PRKCH: variants seen among roughly 807,000 people sequenced by gnomAD.
The protein encoded by PRKCH is protein kinase C eta type.
PRKCH carries 28 observed loss-of-function variants against 82.5 expected under a neutral mutation model. That is an observed-to-expected ratio of 0.34 (90% CI 0.25 to 0.47). The LOEUF is 0.47. PRKCH is among the 20% of genes least tolerant of loss of function. The pLI is 1.00. For missense variants in PRKCH, 705 were observed against 881.8 expected (o/e 0.80, Z 2.54); for synonymous variants, 322 against 327.4 (o/e 0.98, Z 0.18).
chr14:61,255,986 A>G (rs1358574844), intron 1 of PRKCH, among the ~76,000 whole-genome samples: 1 of 152,222 alleles, frequency 6.6e-6, no homozygotes, highest in African/African-American at 2.4e-5. Context: ...CAGTCTACAC[A>G]TGAAAGGATT....
Position 61,263,847 on chromosome 14 carries a change from T to TTGTGTGTG in PRKCH, c.-19+76221_-19+76228dup, listed in dbSNP as rs56280986. Among the ~76,000 whole-genome samples the TTGTGTGTG allele has an allele frequency of 5.5e-3, 799 of 144,248 alleles. 3 individuals carry two copies. The highest frequency in any genetic ancestry group is 0.011 in the South Asian group (48 of 4,412). 94.6% of individuals were successfully genotyped at this position (144,248 alleles called of 152,430 possible). A position where few individuals can be genotyped will look rare whatever the true frequency, so the allele number is the denominator to read the frequency against. ...AGGAAAAGCATCTGAAGTCAGAGTA[T>TTGTGTGTG]TGTGTGTGTGTGTGTGTGTGTGTGT... On this transcript the variant is annotated intron_variant, in intron 1 of 3. Transcript: ENST00000555185.
At chr14:61,367,871 C>T (rs138492414) in intron 1 of PRKCH, among the ~76,000 whole-genome samples, 1,601 of 151,916 alleles carry the variant, frequency 0.011, 33 homozygotes, top group African/African-American at 0.036. Flanking sequence ...CCCACCACCA[C>T]GCCCGGCTAA....
chr14:61,540,059 A>T (rs2043162543), intron 12 of PRKCH, among the ~76,000 whole-genome samples: 2 of 152,206 alleles, frequency 1.3e-5, no homozygotes, highest in South Asian at 4.1e-4. Flanking sequence ...GTATTTGAAA[A>T]TTTTAAGTGT....
At chr14:61,474,564 G>A (rs1885645953) in intron 9 of PRKCH, among the ~76,000 whole-genome samples, 1 of 152,112 alleles carries the variant, frequency 6.6e-6, no homozygotes, top group Admixed American at 6.6e-5. Context: ...CAGGGGATGG[G>A]GGGCTGGGGG....
intron 7 of PRKCH, among the ~76,000 whole-genome samples, chr14:61,454,084 C>CT (rs59965073): frequency 0.15 from 23,220 of 151,198 alleles, 4,912 homozygotes; most frequent in African/African-American, 0.48. Flanking sequence ...TTTTTCCTTT[C>CT]TTTCCTTTTT....
At chr14:61,440,942 A>G (rs1301402318) in intron 2 of PRKCH, among the ~76,000 whole-genome samples, 2 of 150,106 alleles carry the variant, frequency 1.3e-5, no homozygotes, top group African/African-American at 4.9e-5. Context: ...TTTTGGAGAG[A>G]AAGTCTTGCT....
At position 61,308,854 on chromosome 14, in the gene PRKCH, C is replaced by T. The variant is rs550450890; in HGVS notation, c.-19+121186C>T. Among the ~76,000 whole-genome samples, 56 of 151,054 alleles carry T rather than the reference C, an allele frequency of 3.7e-4. No individual in the cohort carries two copies. In the East Asian group the frequency reaches 8.3e-3, roughly 22 times the overall value. On this transcript the variant is annotated intron_variant, in intron 1 of 3. Coordinates refer to the PRKCH transcript ENST00000555185. ...ATGTTGCCCAGACTGGTCTTGAATT[C>T]CTGGCCTCAAGCAATCCTCCAGCGT...
chr14:61,226,625 T>C (rs796562978), intron 1 of PRKCH, among the ~76,000 whole-genome samples: 11 of 152,330 alleles, frequency 7.2e-5, no homozygotes, highest in African/African-American at 2.6e-4. Context: ...GGATAGACCA[T>C]GGAATTATGT....
At chr14:61,493,370 A>G (rs892338109) in intron 10 of PRKCH, among the ~76,000 whole-genome samples, 1 of 152,172 alleles carries the variant, frequency 6.6e-6, no homozygotes, top group Non-Finnish European at 1.5e-5. Context: ...TTCCAATTCC[A>G]TGTAGTAAGA....
intron 1 of PRKCH, among the ~76,000 whole-genome samples, chr14:61,206,682 T>C (rs1203677196): frequency 6.6e-6 from 1 of 152,102 alleles, no homozygotes; most frequent in Non-Finnish European, 1.5e-5. Context: ...GATTGGGATA[T>C]GCAATATGCA....
intron 2 of PRKCH, among the ~76,000 whole-genome samples, chr14:61,400,436 G>A (rs1029590744): frequency 6.6e-6 from 1 of 152,124 alleles, no homozygotes; most frequent in African/African-American, 2.4e-5. Flanking sequence ...TTTAGTTTTT[G>A]TGTTTGTTTT....
At chr14:61,396,684 T>C (rs1325500918) in intron 2 of PRKCH, among the ~76,000 whole-genome samples, 1 of 152,162 alleles carries the variant, frequency 6.6e-6, no homozygotes, top group Non-Finnish European at 1.5e-5. Context: ...AATAGGACTG[T>C]GCCTAGAAGG....
At chr14:61,215,793 G>A (rs2044611958) in intron 1 of PRKCH, among the ~76,000 whole-genome samples, 2 of 152,058 alleles carry the variant, frequency 1.3e-5, no homozygotes, top group Admixed American at 6.6e-5. Flanking sequence ...ATAAAGCGTT[G>A]GCAGATATTT....
chr14:61,324,043 A>T (rs1398426338), intron 1 of PRKCH, among the ~76,000 whole-genome samples: 1 of 152,168 alleles, frequency 6.6e-6, no homozygotes, highest in African/African-American at 2.4e-5. Context: ...AGGGACCTTT[A>T]AAAAATCCCC....
In PRKCH at chr14:61,471,109, C is replaced by T. The variant is rs7154743; in HGVS notation, c.1278+13430C>T. 8.2e-3 allele frequency among the ~76,000 whole-genome samples: 1,255 copies of T among 152,356 alleles called. 19 individuals carry two copies. The highest frequency in any genetic ancestry group is 0.029 in the African/African-American group (1,208 of 41,572). ...CAAGAAAAATAGGGAACAAATATGTCATAGCTCCTCTCTGTCTGCTGTCTA... is the reference window on the plus strand; with the variant it reads ...CAAGAAAAATAGGGAACAAATATGTTATAGCTCCTCTCTGTCTGCTGTCTA... On this transcript the variant is annotated intron_variant, in intron 9 of 13. Transcript: ENST00000332981.
At chr14:61,245,605 G>A (rs1462223696) in intron 1 of PRKCH, among the ~76,000 whole-genome samples, 7 of 152,202 alleles carry the variant, frequency 4.6e-5, no homozygotes, top group South Asian at 2.1e-4. Context: ...GTGAAAGAGC[G>A]CTGATGAGAA....
intron 2 of PRKCH, among the ~76,000 whole-genome samples, chr14:61,422,460 C>T (rs1031248450): frequency 1.3e-5 from 2 of 152,182 alleles, no homozygotes; most frequent in African/African-American, 4.8e-5. Context: ...AGAATATATC[C>T]TGTTCCCCTC....
intron 9 of PRKCH, among the ~76,000 whole-genome samples, chr14:61,482,376 C>A (rs1886019683): frequency 1.3e-5 from 2 of 152,194 alleles, no homozygotes; most frequent in Admixed American, 1.3e-4. Flanking sequence ...GAAATTGCTG[C>A]CAAATCTTTG....
intron 1 of PRKCH, among the ~76,000 whole-genome samples, chr14:61,244,133 G>A (rs894997773): frequency 3.3e-5 from 5 of 152,262 alleles, no homozygotes; most frequent in Non-Finnish European, 2.9e-5. Flanking sequence ...GTACACCAGG[G>A]AGTTGAGGCA....
Sources: allele counts gnomAD v4.1 joint callset (sites outside exome capture counted in the v4.1 genomes callset), GRCh38; gene constraint gnomAD v4.1.1; transcripts MANE v1.5; gene names NCBI Gene and HGNC (gene_info 2026-07-23, HGNC 2026-07-21).